ARID4B: variants seen among roughly 807,000 people sequenced by gnomAD.
ARID4B encodes the protein AT-rich interactive domain-containing protein 4B.
ARID4B carries 26 observed loss-of-function variants against 147.5 expected under a neutral mutation model. The ratio of observed to expected loss-of-function variants is 0.18; its 90% CI spans 0.13 to 0.24. The LOEUF is 0.24. Among genes scored for constraint, ARID4B ranks in the 10% least tolerant of loss-of-function variants. The pLI is 1.00. For missense variants in ARID4B, 1,179 were observed against 1,511.5 expected (o/e 0.78, Z 3.65); for synonymous variants, 512 against 507.9 (o/e 1.01, Z -0.11).
intron 2 of ARID4B, among the ~76,000 whole-genome samples, chr1:235,309,714 G>A (rs1280742219): frequency 1.2e-3 from 187 of 152,000 alleles, no homozygotes; most frequent in African/African-American, 4.4e-3. Flanking sequence ...TGACAATGGC[G>A]GTTTTGTGGA....
chr1:235,167,369 G>A lies in ARID4B; in HGVS notation c.*1156C>T. 1 of 221,122 alleles carries A rather than the reference G, an allele frequency of 4.5e-6. No homozygotes were observed. The highest frequency in any genetic ancestry group is 9.1e-6 in the Non-Finnish European group (1 of 110,172). 13.7% of individuals were successfully genotyped at this position (221,122 alleles called of 1,614,324 possible). ...ATGAACACATCCACAATATACAAATGTCTTACAAAGGTGAAGAATTAAATA... is the reference window on the plus strand; with the variant it reads ...ATGAACACATCCACAATATACAAATATCTTACAAAGGTGAAGAATTAAATA... On this transcript the variant is annotated 3_prime_UTR_variant, in exon 24 of 24. Coordinates refer to ENST00000264183, the MANE Select transcript of ARID4B (RefSeq NM_016374.6).
At chr1:235,313,125 T>G (rs1674183274) in intron 2 of ARID4B, among the ~76,000 whole-genome samples, 1 of 152,092 alleles carries the variant, frequency 6.6e-6, no homozygotes, top group African/African-American at 2.4e-5. Context: ...CTTACTGCAA[T>G]TTCCACTTCC....
At chr1:235,232,738 C>A (rs1265385842) in intron 9 of ARID4B, among the ~76,000 whole-genome samples, 2 of 152,096 alleles carry the variant, frequency 1.3e-5, no homozygotes, top group Admixed American at 6.6e-5. Flanking sequence ...ATTTTCCTTA[C>A]CCCCCAACAA....
At chr1:235,244,848 T>G (rs1669203363) in intron 7 of ARID4B, among the ~76,000 whole-genome samples, 1 of 152,214 alleles carries the variant, frequency 6.6e-6, no homozygotes, top group Non-Finnish European at 1.5e-5. Context: ...TTTAAGACTT[T>G]GTTGCAGAAA....
intron 2 of ARID4B, among the ~76,000 whole-genome samples, chr1:235,309,619 C>T (rs1413086555): frequency 2.6e-5 from 4 of 151,620 alleles, no homozygotes; most frequent in African/African-American, 4.8e-5. Context: ...CCCGGCCACC[C>T]CTACTGGGAA....
At chr1:235,198,505 A>T (rs1175340305) in intron 17 of ARID4B, among the ~76,000 whole-genome samples, 1 of 152,242 alleles carries the variant, frequency 6.6e-6, no homozygotes, top group African/African-American at 2.4e-5. Flanking sequence ...CAAGGTGGCA[A>T]GAACATACAC....
chr1:235,287,547 T>C (rs1672065089), intron 2 of ARID4B, among the ~76,000 whole-genome samples: 1 of 152,216 alleles, frequency 6.6e-6, no homozygotes, highest in Non-Finnish European at 1.5e-5. Flanking sequence ...CTACTTGCCC[T>C]AAAGTAATAA....
chr1:235,253,687 T>C (rs1669780592), intron 5 of ARID4B, among the ~76,000 whole-genome samples: 2 of 152,320 alleles, frequency 1.3e-5, no homozygotes, highest in East Asian at 3.9e-4. Flanking sequence ...TTAACAGATA[T>C]GGAATGTATG....
intron 16 of ARID4B, among the ~76,000 whole-genome samples, chr1:235,218,029 C>CTA (rs1230672655): frequency 1.3e-5 from 2 of 152,146 alleles, no homozygotes; most frequent in Non-Finnish European, 2.9e-5. Context: ...TTATAATATG[C>CTA]TATAATAACA....
At chr1:235,310,460 T>C (rs1016427373) in intron 2 of ARID4B, among the ~76,000 whole-genome samples, 1 of 152,220 alleles carries the variant, frequency 6.6e-6, no homozygotes, top group Non-Finnish European at 1.5e-5. Context: ...TCAACATCTT[T>C]ACACCTGCTT....
At chr1:235,321,695 T>G (rs1400503220) in intron 2 of ARID4B, among the ~76,000 whole-genome samples, 2 of 152,080 alleles carry the variant, frequency 1.3e-5, no homozygotes, top group Non-Finnish European at 1.5e-5. Context: ...GAGACGGGGT[T>G]TCACTGTGTT....
At chr1:235,173,777 T>TATATATAG (rs1481820565) in intron 22 of ARID4B, among the ~76,000 whole-genome samples, 1 of 29,346 alleles carries the variant, frequency 3.4e-5, no homozygotes, top group Non-Finnish European at 5.4e-5. Flanking sequence ...AAAAAATATA[T>TATATATAG]ATATATATAT....
chr1:235,318,156 C>T (rs561380937), intron 2 of ARID4B, among the ~76,000 whole-genome samples: 84 of 143,760 alleles, frequency 5.8e-4, no homozygotes, highest in African/African-American at 2.1e-3. Context: ...ATAGTATTAA[C>T]ACTTGCTACT....
intron 11 of ARID4B, among the ~76,000 whole-genome samples, chr1:235,227,093 G>A (rs1364256515): frequency 6.6e-6 from 1 of 152,178 alleles, no homozygotes; most frequent in Non-Finnish European, 1.5e-5. Context: ...GAACAGGAAT[G>A]TACCATGCTG....
chr1:235,263,694 C>T (rs1301101586), intron 2 of ARID4B, among the ~76,000 whole-genome samples: 1 of 152,042 alleles, frequency 6.6e-6, no homozygotes, highest in African/African-American at 2.4e-5. Flanking sequence ...TTTAGAAAGA[C>T]TTGCAGAAGG....
chr1:235,307,413 C>G (rs971230537), intron 2 of ARID4B, among the ~76,000 whole-genome samples: 40 of 152,090 alleles, frequency 2.6e-4, no homozygotes, highest in Admixed American at 1.6e-3. Flanking sequence ...CCGCTAAATT[C>G]CAGTCTAAGT....
intron 19 of ARID4B, among the ~76,000 whole-genome samples, chr1:235,188,747 A>C (rs894621826): frequency 3.3e-5 from 5 of 152,194 alleles, no homozygotes; most frequent in Non-Finnish European, 7.4e-5. Context: ...AACTAGTCTA[A>C]GAGAAAAAGA....
intron 2 of ARID4B, among the ~76,000 whole-genome samples, chr1:235,318,208 GAT>G (rs911988505): frequency 9.6e-6 from 1 of 104,032 alleles, no homozygotes; most frequent in African/African-American, 3.9e-5. Flanking sequence ...ACGGAGTCTT[GAT>G]CTGACACCTA....
Position 235,255,714 on chromosome 1 carries a change from C to A in ARID4B, c.220G>T (p.Ala74Ser), listed in dbSNP as rs762581626. ...TTATTGATAACAGCTTCCTGATATG[C>A]ACCATCAAGATTCTTCACTTCCACA... ...AIVEVKNLDG[A>S]YQEAVINKLT... Residue 74 changes from alanine to serine, a missense_variant, in exon 5 of 24, where the codon GCA (alanine) becomes TCA (serine). Ala to Ser is a moderately conservative substitution (Grantham distance 99). Around this residue, in one of 10 missense-constraint regions of ARID4B, gnomAD observed 56 missense variants for 99.2 expected, o/e 0.56. Coordinates refer to ENST00000264183, the MANE Select transcript of ARID4B (RefSeq NM_016374.6). The A allele has an allele frequency of 6.2e-7, 1 of 1,611,814 alleles. No individual in the cohort carries two copies. The highest frequency in any genetic ancestry group is 1.1e-5 in the South Asian group (1 of 90,716).
Sources: gnomAD v4.1 joint callset for allele counts (sites outside exome capture counted in the v4.1 genomes callset) on GRCh38, gnomAD v4.1.1 for gene constraint, gnomAD v4.1.1 regional missense constraint, MANE v1.5 for transcripts, NCBI Gene and HGNC (gene_info 2026-07-23, HGNC 2026-07-21) for gene names.